The following ASB12 variants were observed in gnomAD, a reference collection of about 807,000 sequenced individuals.
ASB12 encodes the protein ankyrin repeat and SOCS box containing 12.
In ASB12, 17 loss-of-function variants were observed where a neutral mutation model predicts 13.7. That is an observed-to-expected ratio of 1.24 (90% confidence interval 0.85 to 1.86). ASB12 has a LOEUF of 1.86. ASB12 is among the 40% of genes most tolerant of loss of function. ASB12 has a pLI of 0.00. For synonymous variants in ASB12, 107 were observed against 99.8 expected (o/e 1.07, Z -0.43); for missense variants, 329 against 250.5 (o/e 1.31, Z -2.11).
At chrX:64,227,383 G>A (rs1208394137) in intron 1 of ASB12, among the ~76,000 whole-genome samples, 1 of 111,305 alleles carries the variant, frequency 9.0e-6, no homozygotes, top group Non-Finnish European at 1.9e-5. Flanking sequence ...CTGCAGTCTG[G>A]CTTCACCCAC....
intron 1 of ASB12, chrX:64,226,659 C>A (rs1287537919): frequency 3.3e-5 from 23 of 694,820 alleles, no homozygotes; most frequent in Non-Finnish European, 3.8e-5. Flanking sequence ...ATAATCCTCA[C>A]CCTACAAAAC....
chrX:64,228,924 T>G (rs1393115499), intron 1 of ASB12, among the ~76,000 whole-genome samples: 2 of 111,500 alleles, frequency 1.8e-5, no homozygotes, highest in African/African-American at 6.5e-5. Flanking sequence ...ATTTTTTGGA[T>G]GGAGGAAACT....
At chrX:64,227,780 T>C (rs1181420749) in intron 1 of ASB12, among the ~76,000 whole-genome samples, 2 of 111,896 alleles carry the variant, frequency 1.8e-5, no homozygotes, top group African/African-American at 6.5e-5. Context: ...ACTTGATCCA[T>C]ATATCATTTC....
intron 1 of ASB12, among the ~76,000 whole-genome samples, chrX:64,226,181 G>T (rs1363799293): frequency 8.9e-6 from 1 of 112,373 alleles, no homozygotes; most frequent in Non-Finnish European, 1.9e-5. Context: ...TAAGCCAATA[G>T]AACCATACTT....
Position 64,224,819 on chromosome X carries a change from A to G in ASB12, c.823+9T>C. ...GGTGGCCTATGAGGCTGGCCTGTTC[A>G]CCACTCACCTCGGGCCTGTAGCAGC... On this transcript the variant is annotated intron_variant, in intron 2 of 2. Coordinates refer to ENST00000362002, the MANE Select transcript of ASB12 (RefSeq NM_130388.4). The G allele has an allele frequency of 8.5e-7, 1 of 1,173,082 alleles. No homozygotes were observed. Among genetic ancestry groups the G allele is most frequent in the Non-Finnish European group, 1.1e-6 (1 of 874,176 alleles).
In ASB12 at chrX:64,225,447, A is replaced by G; in HGVS notation, c.204T>C (p.Ser68=). The G allele has an allele frequency of 8.3e-7, 1 of 1,210,353 alleles. No individual in the cohort carries two copies. Among genetic ancestry groups the G allele is most frequent in the Non-Finnish European group, 1.1e-6 (1 of 895,040 alleles). Residue 68 remains serine (S), a synonymous_variant, in exon 2 of 3, where the codon AGT becomes AGC. Transcript: ENST00000362002. ...ERYKRFINSR[S]GWGVPGTPLR... ...AGGGTGTCCCAGGAACACCCCAGCC[A>G]CTCCTGCTGTTGATGAAACGTTTGT...
intron 1 of ASB12, among the ~76,000 whole-genome samples, chrX:64,229,455 C>CA (rs1931013349): frequency 8.9e-6 from 1 of 112,027 alleles, no homozygotes; most frequent in African/African-American, 3.2e-5. Context: ...GTTTATTAAT[C>CA]AAAGAGTTAC....
rs1930918945 is a variant in ASB12, at chrX:64,225,230, A to C, written c.421T>G (p.Ser141Ala). ...TCACGGGCAGCTGTGAGCACGGGAG[A>C]ACAGTTGTTGTAGATGCTACCACCA... ...SPGGSIYNNC[S>A]PVLTAARDGA... Residue 141 changes from serine (S) to alanine (A), a missense_variant, in exon 2 of 3, where the codon TCT (serine) becomes GCT (alanine). Coordinates refer to ENST00000362002, the MANE Select transcript of ASB12 (RefSeq NM_130388.4). The C allele has an allele frequency of 8.3e-7, 1 of 1,211,351 alleles. No individual in the cohort carries two copies. Among genetic ancestry groups the C allele is most frequent in the Admixed American group, 2.2e-5 (1 of 46,028 alleles).
In ASB12 at chrX:64,225,328, G is replaced by T. The variant is rs763029351; in HGVS notation, c.323C>A (p.Thr108Lys). 1 of 1,207,207 alleles carries T rather than the reference G, an allele frequency of 8.3e-7. No homozygotes were observed. The change falls in exon 2 of 3, where the codon ACG (threonine) becomes AAG (lysine). Residue 108 changes from threonine (T) to lysine (K), a missense_variant. Physicochemically the swap from Thr to Lys is moderately conservative, Grantham distance 78 (BLOSUM62 -1). Transcript: ENST00000362002. ...DVDSLDVKAQ[T>K]PLFTAVSHGH... ...ATGACTGACAGCAGTGAAAAGTGGC[G>T]TCTGTGCCTTGACATCCAAGCTGTC...
At chrX:64,226,799 A>G (rs1018572122) in intron 1 of ASB12, 1 of 713,638 alleles carries the variant, frequency 1.4e-6, no homozygotes, top group African/African-American at 2.4e-5. Flanking sequence ...AAGTTCCCCT[A>G]CTCTCCCATA....
In ASB12 at chrX:64,225,072, G is replaced by A; in HGVS notation, c.579C>T (p.His193=). Residue 193 remains histidine (H), a synonymous_variant, in exon 2 of 3, where the codon CAC becomes CAT. Transcript: ENST00000362002. ...GPLYLAAVYG[H]LDCFRLLLLH... The stretch of plus-strand genomic sequence containing the variant: ...GCAAAAGCAGGCGGAAACAGTCCAG[G>A]TGCCCGTAGACTGCGGCCAAATAGA... 8.3e-7 allele frequency: 1 copy of A among 1,211,516 alleles called. No individual in the cohort carries two copies. The highest frequency in any genetic ancestry group is 1.1e-6 in the Non-Finnish European group (1 of 895,466).
chrX:64,225,156 G>A lies in ASB12; in HGVS notation c.495C>T (p.Ala165=), dbSNP rs1930915143. Residue 165 remains alanine (A), a synonymous_variant, in exon 2 of 3, where the codon GCC becomes GCT. Transcript: ENST00000362002. Reference sequence around the variant, plus strand: ...AGACTGGTAGTTTAGCTTTGACGTTGGCCTCTGCACCATGGTCTAGGAGCT... The same window carrying A: ...AGACTGGTAGTTTAGCTTTGACGTTAGCCTCTGCACCATGGTCTAGGAGCT... The part of the protein sequence containing the change: ...LQELLDHGAE[A]NVKAKLPVWA... The A allele has an allele frequency of 8.3e-7, 1 of 1,211,365 alleles. No homozygotes were observed. Among genetic ancestry groups the A allele is most frequent in the Admixed American group, 2.2e-5 (1 of 45,980 alleles).
intron 1 of ASB12, among the ~76,000 whole-genome samples, chrX:64,229,470 T>A (rs758200008): frequency 8.9e-6 from 1 of 112,218 alleles, no homozygotes; most frequent in Admixed American, 9.4e-5. Context: ...AGTTACTATG[T>A]GCCTGTTATG....
At chrX:64,230,243 C>A (rs910022860) in intron 1 of ASB12, among the ~76,000 whole-genome samples, 5 of 111,148 alleles carry the variant, frequency 4.5e-5, no homozygotes, top group Non-Finnish European at 9.4e-5. Flanking sequence ...AGGTCCTAGG[C>A]AGACATATCC....
chrX:64,228,080 C>T (rs779228871), intron 1 of ASB12, among the ~76,000 whole-genome samples: 1 of 112,335 alleles, frequency 8.9e-6, no homozygotes, highest in South Asian at 3.7e-4. Flanking sequence ...CTGATCTCTA[C>T]CAATCCTCTG....
At chrX:64,226,735 G>A (rs904391425) in intron 1 of ASB12, 21 of 751,989 alleles carry the variant, frequency 2.8e-5, no homozygotes, top group Middle Eastern at 7.5e-4. Context: ...TGTCAAGGTC[G>A]CCCACCTCAG....
chrX:64,225,115 G>GCTAT lies in ASB12; in HGVS notation c.532_535dup (p.Ala179AspfsTer31). 1 of 1,211,557 alleles carries GCTAT rather than the reference G, an allele frequency of 8.3e-7. No homozygotes were observed. The highest frequency in any genetic ancestry group is 1.1e-6 in the Non-Finnish European group (1 of 895,446). On this transcript the variant is annotated frameshift_variant, in exon 2 of 3. Coordinates refer to ENST00000362002, the MANE Select transcript of ASB12 (RefSeq NM_130388.4). LOFTEE classifies it high-confidence loss of function. The stretch of plus-strand genomic sequence containing the variant: ...CAAATAGAGGGGGCCAGAACATGAA[G>GCTAT]CTATGTTTGATGCCCAGACTGGTAG...
chrX:64,228,231 C>G (rs768669513), intron 1 of ASB12, among the ~76,000 whole-genome samples: 3 of 112,139 alleles, frequency 2.7e-5, no homozygotes, highest in Non-Finnish European at 5.6e-5. Context: ...ATCCTGAGGT[C>G]CAGTGACAAG....
At chrX:64,230,215 C>G (rs1931029923) in intron 1 of ASB12, among the ~76,000 whole-genome samples, 1 of 111,326 alleles carries the variant, frequency 9.0e-6, no homozygotes, top group African/African-American at 3.3e-5. Flanking sequence ...TCTCAAGAAG[C>G]AGGTCTGTTT....
Sources: allele counts gnomAD v4.1 joint callset (sites outside exome capture counted in the v4.1 genomes callset), GRCh38; gene constraint gnomAD v4.1.1; transcripts MANE v1.5; gene names NCBI Gene and HGNC (gene_info 2026-07-23, HGNC 2026-07-21).